FGF14: variants seen among roughly 807,000 people sequenced by gnomAD.
FGF14 encodes the protein fibroblast growth factor 14.
A neutral mutation model predicts 25.5 loss-of-function variants in FGF14; 5 were observed. The observed-to-expected ratio is 0.20, with a 90% CI of 0.10 to 0.41. FGF14 has a LOEUF of 0.41. FGF14 is among the 10% of genes least tolerant of loss of function. FGF14 has a pLI of 1.00. For synonymous variants in FGF14, 138 were observed against 118.3 expected (o/e 1.17, Z -1.08); for missense variants, 222 against 320.1 (o/e 0.69, Z 2.34).
chr13:101,855,249 G>C (rs571416007), intron 3 of FGF14, among the ~76,000 whole-genome samples: 9 of 151,984 alleles, frequency 5.9e-5, no homozygotes, highest in Admixed American at 5.3e-4. Flanking sequence ...TGCACAACCT[G>C]GGCTTTATGT....
intron 1 of FGF14, among the ~76,000 whole-genome samples, chr13:102,287,922 G>A (rs2054186984): frequency 6.6e-6 from 1 of 152,152 alleles, no homozygotes; most frequent in Non-Finnish European, 1.5e-5. Flanking sequence ...GCATTCAGTA[G>A]TTGTTTGTTC....
intron 1 of FGF14, among the ~76,000 whole-genome samples, chr13:102,359,730 G>A (rs1278672162): frequency 6.6e-6 from 1 of 151,928 alleles, no homozygotes; most frequent in African/African-American, 2.4e-5. Context: ...TTTGCATTAA[G>A]TAGAGTAGGA....
chr13:102,378,357 G>T (rs2058089552), intron 1 of FGF14, among the ~76,000 whole-genome samples: 1 of 152,024 alleles, frequency 6.6e-6, no homozygotes, highest in Non-Finnish European at 1.5e-5. Flanking sequence ...ACCAAAAACT[G>T]CTCCAAAAAT....
chr13:102,177,761 A>G (rs2048505899), intron 1 of FGF14, among the ~76,000 whole-genome samples: 1 of 152,006 alleles, frequency 6.6e-6, no homozygotes, highest in Non-Finnish European at 1.5e-5. Flanking sequence ...CAAGTGTGAC[A>G]TGGAAGAAAT....
chr13:102,326,727 GA>G (rs2056456096), intron 1 of FGF14, among the ~76,000 whole-genome samples: 3 of 106,114 alleles, frequency 2.8e-5, no homozygotes, highest in Admixed American at 2.6e-4. Context: ...AGGAAGGAAG[GA>G]AGGAAGGAAG....
At chr13:102,117,534 T>G (rs2045529570) in intron 1 of FGF14, among the ~76,000 whole-genome samples, 1 of 149,408 alleles carries the variant, frequency 6.7e-6, no homozygotes, top group Non-Finnish European at 1.5e-5. Context: ...TGAAGACATA[T>G]CTCTAGAAGT....
chr13:102,186,774 C>T (rs775135829), intron 1 of FGF14, among the ~76,000 whole-genome samples: 4 of 152,246 alleles, frequency 2.6e-5, no homozygotes, highest in Non-Finnish European at 4.4e-5. Context: ...AACACATGCA[C>T]ACGTACATCT....
At chr13:102,364,176 TGTGC>T (rs2057644950) in intron 1 of FGF14, among the ~76,000 whole-genome samples, 1 of 152,256 alleles carries the variant, frequency 6.6e-6, no homozygotes, top group Non-Finnish European at 1.5e-5. Flanking sequence ...ACAGGACAAA[TGTGC>T]ACATCTGTAA....
At chr13:102,194,039 T>A (rs1477621278) in intron 1 of FGF14, among the ~76,000 whole-genome samples, 2 of 152,030 alleles carry the variant, frequency 1.3e-5, no homozygotes, top group Admixed American at 6.5e-5. Context: ...AATACACATT[T>A]AAAGAAAAAC....
chr13:101,883,486 T>C (rs1475627822), intron 1 of FGF14, among the ~76,000 whole-genome samples: 1 of 152,212 alleles, frequency 6.6e-6, no homozygotes, highest in Admixed American at 6.5e-5. Context: ...CCAAGCGTTT[T>C]GTTAGGAGCT....
chr13:101,751,351 A>C (rs1594122073), intron 3 of FGF14, among the ~76,000 whole-genome samples: 1 of 152,278 alleles, frequency 6.6e-6, no homozygotes, highest in East Asian at 1.9e-4. Flanking sequence ...TTATCTGTAA[A>C]GCTAAAACTG....
At chr13:102,155,077 C>T (rs1414219044) in intron 1 of FGF14, among the ~76,000 whole-genome samples, 1 of 152,132 alleles carries the variant, frequency 6.6e-6, no homozygotes, top group Non-Finnish European at 1.5e-5. Flanking sequence ...GACTTTAACA[C>T]CCCACTGTCA....
intron 1 of FGF14, among the ~76,000 whole-genome samples, chr13:102,291,324 T>C (rs941142407): frequency 1.3e-5 from 2 of 152,200 alleles, no homozygotes; most frequent in South Asian, 2.1e-4. Context: ...GGTAATTTTA[T>C]ATATGGGGTT....
At chr13:102,106,306 C>CCCGCCTGT (rs1491568347) in intron 1 of FGF14, among the ~76,000 whole-genome samples, 55 of 152,272 alleles carry the variant, frequency 3.6e-4, no homozygotes, top group African/African-American at 1.3e-3. Context: ...CGCAGTGCCT[C>CCCGCCTGT]ACGCCTGTAA....
intron 1 of FGF14, among the ~76,000 whole-genome samples, chr13:102,189,011 A>G (rs141260969): frequency 1.4e-5 from 1 of 72,290 alleles, no homozygotes; most frequent in East Asian, 3.2e-4. Context: ...AAAGAAAGAG[A>G]AAGAATGAAA....
At chr13:102,361,191 G>A (rs963318264) in intron 1 of FGF14, among the ~76,000 whole-genome samples, 2 of 152,154 alleles carry the variant, frequency 1.3e-5, no homozygotes, top group Non-Finnish European at 2.9e-5. Context: ...AAATCAGAGC[G>A]GTTTCAAAGA....
At position 101,721,074 on chromosome 13, in the gene FGF14, C is replaced by T. The variant is rs2034942896; in HGVS notation, c.*1757G>A. ...GGAAAATGATGACTGGGTCATCCTC[C>T]CACATAGAAAGAATAACAAGAGGCC... On this transcript the variant is annotated 3_prime_UTR_variant, in exon 5 of 5. Coordinates refer to ENST00000376143, the MANE Select transcript of FGF14 (RefSeq NM_004115.4). 1 of 151,976 alleles carries T rather than the reference C, an allele frequency of 6.6e-6. No homozygotes were observed. The highest frequency in any genetic ancestry group is 2.4e-5 in the African/African-American group (1 of 41,368). 9.4% of individuals were successfully genotyped at this position (151,976 alleles called of 1,614,324 possible).
At chr13:102,029,454 A>G (rs140886061) in intron 1 of FGF14, among the ~76,000 whole-genome samples, 104 of 152,214 alleles carry the variant, frequency 6.8e-4, no homozygotes, top group African/African-American at 2.4e-3. Flanking sequence ...ATTCTGAAAT[A>G]AATGCATTTG....
At chr13:101,724,631 T>TATATATAA (rs1284515756) in intron 4 of FGF14, among the ~76,000 whole-genome samples, 2 of 109,140 alleles carry the variant, frequency 1.8e-5, no homozygotes, top group African/African-American at 3.4e-5. Flanking sequence ...TATATATATA[T>TATATATAA]AAAACAAAGA....
Sources: gnomAD v4.1 joint callset for allele counts (sites outside exome capture counted in the v4.1 genomes callset) on GRCh38, gnomAD v4.1.1 for gene constraint, MANE v1.5 for transcripts, NCBI Gene and HGNC (gene_info 2026-07-23, HGNC 2026-07-21) for gene names.